Variants in TASOR observed in about 807,000 individuals in gnomAD.
TASOR encodes the protein protein TASOR.
In TASOR, 53 loss-of-function variants were observed where a neutral mutation model predicts 178.6. The ratio of observed to expected loss-of-function variants is 0.30; its 90% CI spans 0.24 to 0.37. The LOEUF is 0.37. Among genes scored for constraint, TASOR ranks in the 10% least tolerant of loss-of-function variants. The probability of loss-of-function intolerance (pLI) is 1.00; values close to 1 mark genes in which losing one functional copy is unlikely to be tolerated. For missense variants in TASOR, 1,815 were observed against 1,971.4 expected, an observed-to-expected ratio of 0.92 and a Z score of 1.50; for synonymous variants, 713 against 696.2, an observed-to-expected ratio of 1.02 and a Z score of -0.38.
In TASOR at chr3:56,633,926, T is replaced by C. The variant is rs562572741; in HGVS notation, c.2865A>G (p.Pro955=). The C allele has an allele frequency of 7.7e-6, 12 of 1,558,522 alleles. No homozygotes were observed. In the East Asian group the frequency reaches 2.9e-4, roughly 37 times the overall value. The part of the protein sequence containing the change: ...SPEEQLVCVP[P]QEAFPNDPRV... ...GGGGGTCGTTAGGAAAGGCCTCCTG[T>C]GGTGGCACACACACCAGTTGTTCTT... is the stretch of plus-strand genomic sequence containing the variant. Residue 955 remains proline, a synonymous_variant, in exon 18 of 24, where the codon CCA becomes CCG. Transcript: ENST00000683822.
intron 20 of TASOR, 152 bp from the exon 21 acceptor site, chr3:56,627,297 A>G: frequency 1.6e-6 from 1 of 626,782 alleles, no homozygotes; most frequent in Non-Finnish European, 2.8e-6. Flanking sequence ...AGATCTATAC[A>G]TGCCTAAAGC....
rs963235923 is a variant in TASOR at position 56,636,601 on chromosome 3, C to T, written c.2824+2105G>A. Among the ~76,000 whole-genome samples, 3 of 151,810 alleles carry T rather than the reference C, an allele frequency of 2.0e-5. No individual in the cohort carries two copies. The East Asian group carries it at 5.9e-4, about 30-fold the overall frequency. ...TTTATTTTTAGTAGACAGGGTTTTACCATGTTGGCCAGGATGGTCTCGATG... is the reference window on the plus strand; with the variant it reads ...TTTATTTTTAGTAGACAGGGTTTTATCATGTTGGCCAGGATGGTCTCGATG... On this transcript the variant is annotated intron_variant, in intron 17 of 23. Coordinates refer to ENST00000683822, the MANE Select transcript of TASOR (RefSeq NM_001365635.2).
chr3:56,621,575 C>CT lies in TASOR; in HGVS notation c.*1461dup, dbSNP rs775876891. 3 of 1,601,932 alleles carry CT rather than the reference C, an allele frequency of 1.9e-6. No individual in the cohort carries two copies. The South Asian group carries it at 3.4e-5, about 18-fold the overall frequency. On this transcript the variant is annotated 3_prime_UTR_variant, in exon 24 of 24. Transcript: ENST00000683822. ...AAGGAGTTGGAAAGTAGTCTCCTGC[C>CT]TTTAGCTGAAAATCAAGAAGAGAGT...
chr3:56,680,467 T>G (rs1040187762), intron 1 of TASOR, among the ~76,000 whole-genome samples: 23 of 152,194 alleles, frequency 1.5e-4, no homozygotes, highest in Non-Finnish European at 2.9e-4. Flanking sequence ...CTTTAAGGTA[T>G]TAAAATATTT....
intron 17 of TASOR, among the ~76,000 whole-genome samples, chr3:56,636,938 C>T: frequency 6.6e-6 from 1 of 151,876 alleles, no homozygotes; most frequent in Middle Eastern, 3.2e-3. Flanking sequence ...CTTTGGGAGG[C>T]CAAGGTGGGC....
chr3:56,624,943 A>G lies in TASOR; in HGVS notation c.4203T>C (p.Val1401=), dbSNP rs1281841124. The change falls in exon 22 of 24, where the codon GTT becomes GTC. Residue 1401 remains valine (V), a synonymous_variant. Coordinates refer to ENST00000683822, the MANE Select transcript of TASOR (RefSeq NM_001365635.2). Reference sequence around the variant, plus strand: ...CACAATTGTGGTATGACAAAATTTCAACCAGATGTTTCTTCTGATAGACAT... The same window carrying G: ...CACAATTGTGGTATGACAAAATTTCGACCAGATGTTTCTTCTGATAGACAT... The part of the protein sequence containing the change: ...LLNVYQKKHL[V]EILSYHNCDS... The G allele has an allele frequency of 6.2e-7, 1 of 1,614,204 alleles. No homozygotes were observed. The highest frequency in any genetic ancestry group is 8.5e-7 in the Non-Finnish European group (1 of 1,180,022).
In TASOR at chr3:56,634,822, G is replaced by A. The variant is rs2076985425; in HGVS notation, c.2825-856C>T. Among the ~76,000 whole-genome samples, 3 of 152,104 alleles carry A rather than the reference G, an allele frequency of 2.0e-5. 1 individual carries two copies. The highest frequency in any genetic ancestry group is 1.3e-4 in the Admixed American group (2 of 15,270). ...AAAATCCTAAATTCAAACACAGTAT[G>A]TTTTTGAAACTACATTTGAAAAAGG... On this transcript the variant is annotated intron_variant, in intron 17 of 23. Coordinates refer to ENST00000683822, the MANE Select transcript of TASOR (RefSeq NM_001365635.2).
intron 7 of TASOR, chr3:56,663,806 T>TTTAA: frequency 5.9e-6 from 6 of 1,010,426 alleles, no homozygotes; most frequent in Non-Finnish European, 7.1e-6. Flanking sequence ...TTTAAGGGAG[T>TTTAA]TGTTTTTTCC....
chr3:56,624,516 T>C lies in TASOR; in HGVS notation c.4446A>G (p.Pro1482=). The change falls in exon 23 of 24, where the codon CCA becomes CCG. Residue 1482 remains proline (P), a synonymous_variant. Coordinates refer to ENST00000683822, the MANE Select transcript of TASOR (RefSeq NM_001365635.2). ...CAAGATTCTCATTAGCACCAAGCTG[T>C]GGAAGGTTTTCTTCTGTGATTGAAT... ...YHNSITEENL[P]QLGANENLES... 1 of 1,614,112 alleles carries C rather than the reference T, an allele frequency of 6.2e-7. No individual in the cohort carries two copies. Among genetic ancestry groups the C allele is most frequent in the Non-Finnish European group, 8.5e-7 (1 of 1,179,974 alleles).
Position 56,633,951 on chromosome 3 carries a change from T to G in TASOR, c.2840A>C (p.Glu947Ala). The change falls in exon 18 of 24, where the codon GAA becomes GCA. Residue 947 changes from glutamate to alanine, a missense_variant. By Grantham distance (107) the Glu-to-Ala change is moderately radical. Coordinates refer to ENST00000683822, the MANE Select transcript of TASOR (RefSeq NM_001365635.2). ...TGGTGGCACACACACCAGTTGTTCT[T>G]CTGGTGATTTCATACCTATACAGGA... ...EKQTPGMKSP[E>A]EQLVCVPPQE... The G allele has an allele frequency of 6.5e-7, 1 of 1,546,318 alleles. No individual in the cohort carries two copies. The highest frequency in any genetic ancestry group is 1.2e-5 in the South Asian group (1 of 83,332).
chr3:56,637,504 G>C lies in TASOR; in HGVS notation c.2824+1202C>G, dbSNP rs145597987. On this transcript the variant is annotated intron_variant, in intron 17 of 23. Coordinates refer to ENST00000683822, the MANE Select transcript of TASOR (RefSeq NM_001365635.2). ...CCATTGCACTCCAGCCTGGGTGACA[G>C]AGAGAGATTCTGTATCAGAGGGGAA... 9.9e-5 allele frequency among the ~76,000 whole-genome samples: 15 copies of C among 151,538 alleles called. No homozygotes were observed. The East Asian group carries it at 2.7e-3, about 27-fold the overall frequency.
intron 1 of TASOR, among the ~76,000 whole-genome samples, chr3:56,678,637 T>C (rs1313203415): frequency 6.6e-6 from 1 of 152,230 alleles, no homozygotes; most frequent in African/African-American, 2.4e-5. Flanking sequence ...GTATTATGTA[T>C]ACATGTATCA....
chr3:56,666,198 G>T (rs1234569894), intron 7 of TASOR, 62 bp downstream of exon 7: 5 of 1,334,560 alleles, frequency 3.7e-6, no homozygotes, highest in Non-Finnish European at 4.9e-6. Flanking sequence ...TCCTAACTCA[G>T]TAGTACAGGA....
chr3:56,655,507 C>T (rs1327785112), intron 11 of TASOR, among the ~76,000 whole-genome samples: 2 of 152,154 alleles, frequency 1.3e-5, no homozygotes, highest in Admixed American at 6.5e-5. Flanking sequence ...TGGTTCATGC[C>T]TATAATACCA....
chr3:56,653,289 AG>A lies in TASOR; in HGVS notation c.1369-4233del, dbSNP rs72111032. Among the ~76,000 whole-genome samples the A allele has an allele frequency of 6.1e-3, 542 of 88,324 alleles. 152 individuals are homozygous for A. Among genetic ancestry groups the A allele is most frequent in the East Asian group, 0.038 (65 of 1,718 alleles). 57.9% of individuals were successfully genotyped at this position (88,324 alleles called of 152,430 possible). A position where few individuals can be genotyped will look rare whatever the true frequency, so the allele number is the denominator to read the frequency against. On this transcript the variant is annotated intron_variant, in intron 11 of 23. Transcript: ENST00000683822. ...AAAAAAAAAAAAAAAAAAAAAAAAA[AG>A]AAAAGACAAGCTAAAGAAAATGAGG...
At chr3:56,656,282 C>T (rs1269093367) in intron 11 of TASOR, among the ~76,000 whole-genome samples, 1 of 152,158 alleles carries the variant, frequency 6.6e-6, no homozygotes, top group Non-Finnish European at 1.5e-5. Flanking sequence ...AGAAAATGTA[C>T]TAACATGGAA....
chr3:56,676,564 T>TTTAA (rs2107640579), intron 1 of TASOR, among the ~76,000 whole-genome samples: 1 of 152,326 alleles, frequency 6.6e-6, no homozygotes, highest in African/African-American at 2.4e-5. Context: ...TGGGTTATGA[T>TTTAA]TTTAAAAGTT....
chr3:56,627,759 C>CA lies in TASOR; in HGVS notation c.3871-19dup. On this transcript the variant is annotated intron_variant, in intron 19 of 23. Transcript: ENST00000683822. The stretch of plus-strand genomic sequence containing the variant: ...CCAGGTATCTGTTTAAATCCCAAAA[C>CA]AAAAAGAGAAACAGATGGAGGGAAT... The CA allele has an allele frequency of 1.9e-6, 3 of 1,604,922 alleles. No individual in the cohort carries two copies. The South Asian group carries it at 3.4e-5, about 18-fold the overall frequency.
rs927274236 is a variant in TASOR, at chr3:56,673,618, G to A, written c.439C>T (p.Arg147Cys). 74 of 1,550,930 alleles carry A rather than the reference G, an allele frequency of 4.8e-5. No homozygotes were observed. Among genetic ancestry groups the A allele is most frequent in the Non-Finnish European group, 6.2e-5 (71 of 1,146,788 alleles). The change falls in exon 2 of 24, where the codon CGT (arginine) becomes TGT (cysteine). Residue 147 changes from arginine to cysteine, a missense_variant. Physicochemically the swap from Arg to Cys is radical, Grantham distance 180. Transcript: ENST00000683822. ...PTSVTNFNYR[R>C]ACLVHNELLE... ...AGCTCATTGTGTACCAAGCAAGCACGTCTGTAGTTAAAATTTGTTACTGAG... is the reference window on the plus strand; with the variant it reads ...AGCTCATTGTGTACCAAGCAAGCACATCTGTAGTTAAAATTTGTTACTGAG...
Sources: allele counts gnomAD v4.1 joint callset (sites outside exome capture counted in the v4.1 genomes callset), GRCh38; gene constraint gnomAD v4.1.1; transcripts MANE v1.5; gene names NCBI Gene and HGNC (gene_info 2026-07-23, HGNC 2026-07-21).